NUMB: variants seen among roughly 807,000 people sequenced by gnomAD.
The protein encoded by NUMB is NUMB endocytic adaptor protein, also known as protein numb homolog.
A neutral mutation model predicts 59.7 loss-of-function variants in NUMB; 29 were observed. That is an observed-to-expected ratio of 0.49 (90% confidence interval 0.36 to 0.66). The LOEUF is 0.66. NUMB is among the 30% of genes least tolerant of loss of function. NUMB has a pLI of 0.00. For synonymous variants in NUMB, 288 were observed against 288.2 expected, an observed-to-expected ratio of 1.00 and a Z score of 0.01; for missense variants, 723 against 822.0, an observed-to-expected ratio of 0.88 and a Z score of 1.47.
At chr14:73,372,380 T>A (rs1204724942) in intron 2 of NUMB, among the ~76,000 whole-genome samples, 1 of 137,810 alleles carries the variant, frequency 7.3e-6, no homozygotes, top group African/African-American at 2.6e-5. Flanking sequence ...TATATATATA[T>A]AAATGTGTAT....
intron 4 of NUMB, among the ~76,000 whole-genome samples, chr14:73,324,365 T>G (rs758839439): frequency 2.6e-5 from 4 of 152,206 alleles, no homozygotes; most frequent in Non-Finnish European, 5.9e-5. Flanking sequence ...GGCCTTCAAG[T>G]TTGATATTTT....
chr14:73,381,475 T>C (rs962827968), intron 2 of NUMB, among the ~76,000 whole-genome samples: 2 of 152,222 alleles, frequency 1.3e-5, no homozygotes, highest in African/African-American at 4.8e-5. Context: ...TCTTTTCCCT[T>C]CAAGGTCTCT....
intron 2 of NUMB, among the ~76,000 whole-genome samples, chr14:73,399,768 G>T (rs1896319459): frequency 6.6e-6 from 1 of 151,842 alleles, no homozygotes; most frequent in Admixed American, 6.6e-5. Flanking sequence ...AACAGGCCAG[G>T]CATGGTGGCT....
intron 3 of NUMB, chr14:73,357,033 G>C: frequency 2.1e-6 from 2 of 968,052 alleles, no homozygotes; most frequent in Non-Finnish European, 2.5e-6. Context: ...ACATCAGAAT[G>C]CCTTTCCATA....
intron 7 of NUMB, among the ~76,000 whole-genome samples, chr14:73,296,166 C>T (rs963612327): frequency 2.6e-5 from 4 of 152,006 alleles, no homozygotes; most frequent in East Asian, 1.9e-4. Flanking sequence ...AAATAGGCCA[C>T]GAGCGGTGGC....
At chr14:73,399,814 C>T (rs1896321738) in intron 2 of NUMB, among the ~76,000 whole-genome samples, 1 of 152,078 alleles carries the variant, frequency 6.6e-6, no homozygotes, top group Non-Finnish European at 1.5e-5. Context: ...GAGGCCAAGG[C>T]CAGTGGATCA....
intron 5 of NUMB, among the ~76,000 whole-genome samples, chr14:73,321,981 A>G (rs1891428147): frequency 6.6e-6 from 1 of 152,176 alleles, no homozygotes; most frequent in Non-Finnish European, 1.5e-5. Flanking sequence ...TAAATTTTAT[A>G]TATTTTATAT....
intron 9 of NUMB, 124 bp downstream of exon 9, chr14:73,286,986 A>G (rs777726334): frequency 5.4e-6 from 5 of 923,612 alleles, no homozygotes; most frequent in South Asian, 4.2e-5. Context: ...CAACTTTGTT[A>G]TAAGGTTTTA....
chr14:73,279,301 T>G lies in NUMB; in HGVS notation c.1220A>C (p.Glu407Ala). ...WAHAPDAANK[E>A]IAATCSGTEW... ...CTTACCCGAACATGTGGCTGCAATT[T>G]CCTTGTTAGCAGCATCAGGGGCATG... Residue 407 changes from glutamate (E) to alanine (A), a missense_variant, in exon 12 of 13, where the codon GAA becomes GCA. Coordinates refer to ENST00000555238, the MANE Select transcript of NUMB (RefSeq NM_001005743.2). 6.2e-7 allele frequency: 1 copy of G among 1,614,206 alleles called. No homozygotes were observed. The highest frequency in any genetic ancestry group is 1.3e-5 in the African/African-American group (1 of 75,064).
At chr14:73,372,336 T>TATATATAA (rs1458864410) in intron 2 of NUMB, among the ~76,000 whole-genome samples, 4 of 87,276 alleles carry the variant, frequency 4.6e-5, no homozygotes, top group East Asian at 5.0e-4. Context: ...TATATATATA[T>TATATATAA]AACCTTTTAT....
Position 73,334,881 on chromosome 14 carries a change from G to A in NUMB, c.127-11677C>T, listed in dbSNP as rs181205674. On this transcript the variant is annotated intron_variant, in intron 4 of 12. Transcript: ENST00000555238. Reference sequence around the variant, plus strand: ...GGAGAATAGCTTGAACCTGGGAGGCGGAGGTTGCAGTAAGCTGAAATTGCG... The same window carrying A: ...GGAGAATAGCTTGAACCTGGGAGGCAGAGGTTGCAGTAAGCTGAAATTGCG... Among the ~76,000 whole-genome samples the A allele has an allele frequency of 3.8e-4, 57 of 151,100 alleles. 1 individual carries two copies. The highest frequency in any genetic ancestry group is 1.3e-3 in the African/African-American group (53 of 41,052).
intron 3 of NUMB, among the ~76,000 whole-genome samples, chr14:73,357,890 C>A (rs546898974): frequency 2.3e-4 from 33 of 140,672 alleles, no homozygotes; most frequent in African/African-American, 5.7e-4. Flanking sequence ...AGGCCCCCCC[C>A]AAAAAAAAAA....
At chr14:73,445,164 G>C (rs998733518) in intron 1 of NUMB, among the ~76,000 whole-genome samples, 2 of 151,450 alleles carry the variant, frequency 1.3e-5, no homozygotes, top group Admixed American at 1.3e-4. Flanking sequence ...TACTAGCCTA[G>C]GCAACACAGG....
chr14:73,325,893 C>A (rs1373334746), intron 4 of NUMB, among the ~76,000 whole-genome samples: 1 of 152,320 alleles, frequency 6.6e-6, no homozygotes, highest in Non-Finnish European at 1.5e-5. Context: ...GCAGGGGGAA[C>A]TGCCTCTCTG....
intron 3 of NUMB, among the ~76,000 whole-genome samples, chr14:73,361,992 C>T (rs541022474): frequency 2.6e-5 from 4 of 152,258 alleles, no homozygotes; most frequent in African/African-American, 9.6e-5. Flanking sequence ...TGCGCTGGCT[C>T]ACACCTGTAA....
intron 1 of NUMB, among the ~76,000 whole-genome samples, chr14:73,418,815 A>G (rs919303356): frequency 6.6e-6 from 1 of 151,326 alleles, no homozygotes; most frequent in Non-Finnish European, 1.5e-5. Context: ...CCACATAAGG[A>G]AAAAAAAAGC....
intron 8 of NUMB, among the ~76,000 whole-genome samples, chr14:73,289,776 A>G (rs1566728243): frequency 6.6e-6 from 1 of 152,224 alleles, no homozygotes; most frequent in African/African-American, 2.4e-5. Flanking sequence ...ATTAGGCCAG[A>G]TGTTAAAGCA....
intron 2 of NUMB, among the ~76,000 whole-genome samples, chr14:73,407,070 C>T (rs534636693): frequency 5.3e-5 from 8 of 152,006 alleles, no homozygotes; most frequent in South Asian, 4.1e-4. Context: ...CTCCAACTCC[C>T]GGCCTCAAGT....
intron 1 of NUMB, among the ~76,000 whole-genome samples, chr14:73,437,117 C>CT (rs1384597433): frequency 7.5e-6 from 1 of 133,298 alleles, no homozygotes; most frequent in Non-Finnish European, 1.5e-5. Flanking sequence ...ACGATCACAA[C>CT]TCACAGCAGC....
Sources: allele counts gnomAD v4.1 joint callset (sites outside exome capture counted in the v4.1 genomes callset), GRCh38; gene constraint gnomAD v4.1.1; transcripts MANE v1.5; gene names NCBI Gene and HGNC (gene_info 2026-07-23, HGNC 2026-07-21).